LCOR: variants seen among roughly 807,000 people sequenced by gnomAD.
LCOR encodes the protein ligand dependent nuclear receptor corepressor.
LCOR carries 14 observed loss-of-function variants against 64.4 expected under a neutral mutation model. The observed-to-expected ratio is 0.22, with a 90% CI of 0.14 to 0.34. The LOEUF is 0.34. Among genes scored for constraint, LCOR ranks in the 10% least tolerant of loss-of-function variants. LCOR has a pLI of 1.00. For missense variants in LCOR, 1,686 were observed against 1,765.3 expected, an observed-to-expected ratio of 0.96 and a Z score of 0.80; for synonymous variants, 643 against 642.5, an observed-to-expected ratio of 1.00 and a Z score of -0.01.
intron 7 of LCOR, among the ~76,000 whole-genome samples, chr10:96,971,186 C>G (rs1847996100): frequency 1.3e-5 from 2 of 152,176 alleles, no homozygotes; most frequent in African/African-American, 4.8e-5. Context: ...TAGTCAAAAC[C>G]TACATACTTA....
At position 96,993,247 on chromosome 10, in the gene LCOR, A is replaced by T. The variant is rs1848216096; in HGVS notation, c.*8113A>T. On this transcript the variant is annotated 3_prime_UTR_variant, in exon 8 of 8. Transcript: ENST00000421806. ...TAGGCACGCAGGGGTTTTGTCATCC[A>T]TTTGAACCATAATTTGCATATTTTC... is the stretch of plus-strand genomic sequence containing the variant. 6.6e-6 allele frequency: 1 copy of T among 152,236 alleles called. No individual in the cohort carries two copies. The highest frequency in any genetic ancestry group is 6.5e-5 in the Admixed American group (1 of 15,278). 9.4% of individuals were successfully genotyped at this position (152,236 alleles called of 1,614,324 possible).
intron 4 of LCOR, among the ~76,000 whole-genome samples, chr10:96,924,864 A>G (rs958637352): frequency 6.6e-6 from 1 of 152,236 alleles, no homozygotes; most frequent in East Asian, 1.9e-4. Context: ...AAGTCAGGAA[A>G]GTTAACCCTG....
chr10:96,901,924 C>T (rs181489362), intron 2 of LCOR, among the ~76,000 whole-genome samples: 39 of 152,266 alleles, frequency 2.6e-4, no homozygotes, highest in African/African-American at 9.1e-4. Context: ...TGTGTGCCAC[C>T]ACCCTGGGCT....
At chr10:96,880,149 A>G (rs1407574380) in intron 2 of LCOR, among the ~76,000 whole-genome samples, 2 of 152,074 alleles carry the variant, frequency 1.3e-5, no homozygotes, top group African/African-American at 2.4e-5. Context: ...GTTTTGCTCT[A>G]TTTGGTTTAA....
chr10:96,990,558 T>C lies in LCOR; in HGVS notation c.*5424T>C, dbSNP rs903446990. Reference sequence around the variant, plus strand: ...AGACTTGAGGATCCAGTCTCTTTCCTTTATAGATAATTAGACTCAGGCAGA... The same window carrying C: ...AGACTTGAGGATCCAGTCTCTTTCCCTTATAGATAATTAGACTCAGGCAGA... On this transcript the variant is annotated 3_prime_UTR_variant, in exon 8 of 8. Transcript: ENST00000421806. 5 of 152,390 alleles carry C rather than the reference T, an allele frequency of 3.3e-5. No individual in the cohort carries two copies. The highest frequency in any genetic ancestry group is 3.9e-4 in the East Asian group (2 of 5,178). The allele number at this position is 152,390 out of a possible 1,614,324, so 9.4% of individuals were successfully genotyped here. A position where few individuals can be genotyped will look rare whatever the true frequency, so the allele number is the denominator to read the frequency against.
chr10:96,897,061 GAGAGAGAGAGAGAAAGAGAA>G (rs1365036030), intron 2 of LCOR, among the ~76,000 whole-genome samples: 29 of 107,786 alleles, frequency 2.7e-4, no homozygotes, highest in Non-Finnish European at 2.0e-4. Context: ...ATGAGAGAGA[GAGAGAGAGAGAGAAAGAGAA>G]AGAGAAAGAG....
In LCOR at chr10:96,981,651, C is replaced by G; in HGVS notation, c.1191C>G (p.His397Gln). ...DARPKQENHL[H>Q]SLGRNKVGYH... ...GGCCAAAGCAAGAGAACCATCTTCA[C>G]TCTCTGGGAAGAAATAAGGTGGGTT... Residue 397 changes from histidine to glutamine, a missense_variant, in exon 8 of 8, where the codon CAC (histidine) becomes CAG (glutamine). His to Gln is a conservative substitution (Grantham distance 24, BLOSUM62 0). Around this residue, in one of 3 missense-constraint regions of LCOR, gnomAD observed 1,293 missense variants for 1,410.4 expected, o/e 0.92. Coordinates refer to ENST00000421806, the MANE Select transcript of LCOR (RefSeq NM_001346516.2). The G allele has an allele frequency of 2.5e-6, 4 of 1,614,214 alleles. No homozygotes were observed. The highest frequency in any genetic ancestry group is 3.4e-6 in the Non-Finnish European group (4 of 1,180,052).
chr10:96,854,832 A>G (rs1454526641), intron 2 of LCOR, among the ~76,000 whole-genome samples: 1 of 152,210 alleles, frequency 6.6e-6, no homozygotes, highest in Non-Finnish European at 1.5e-5. Flanking sequence ...TTGCATTCAT[A>G]TGATTGTAAT....
chr10:96,888,390 A>AAAG (rs1392741323), intron 2 of LCOR, among the ~76,000 whole-genome samples: 2 of 147,918 alleles, frequency 1.4e-5, no homozygotes, highest in African/African-American at 5.0e-5. Flanking sequence ...AAAAAAAAAA[A>AAAG]AGAACAGTAT....
At chr10:96,847,688 T>C (rs574505556) in intron 2 of LCOR, among the ~76,000 whole-genome samples, 1 of 152,318 alleles carries the variant, frequency 6.6e-6, no homozygotes, top group African/African-American at 2.4e-5. Context: ...GTGATCTGCC[T>C]ACCTTGGCCT....
In LCOR at chr10:96,986,492, C is replaced by A. The variant is rs1330858856; in HGVS notation, c.*1358C>A. On this transcript the variant is annotated 3_prime_UTR_variant, in exon 8 of 8. Coordinates refer to ENST00000421806, the MANE Select transcript of LCOR (RefSeq NM_001346516.2). ...GACGTTCATTCTGATTGATTAACACCATCCTAGTAGTTAAATGCTTGTAGT... is the reference window on the plus strand; with the variant it reads ...GACGTTCATTCTGATTGATTAACACAATCCTAGTAGTTAAATGCTTGTAGT... 5.9e-5 allele frequency: 9 copies of A among 152,172 alleles called. No homozygotes were observed. The highest frequency in any genetic ancestry group is 2.2e-4 in the African/African-American group (9 of 41,430). The allele number at this position is 152,172 out of a possible 1,614,324, so 9.4% of individuals were successfully genotyped here. A position where few individuals can be genotyped will look rare whatever the true frequency, so the allele number is the denominator to read the frequency against.
chr10:96,950,503 A>T (rs931383074), intron 6 of LCOR, among the ~76,000 whole-genome samples: 5 of 152,116 alleles, frequency 3.3e-5, no homozygotes, highest in Non-Finnish European at 7.4e-5. Context: ...TCAGGTTTAT[A>T]TTAGGAGAAT....
chr10:96,871,116 G>T (rs1846065223), intron 2 of LCOR, among the ~76,000 whole-genome samples: 1 of 152,102 alleles, frequency 6.6e-6, no homozygotes, highest in South Asian at 2.1e-4. Context: ...GAGTGCAGTG[G>T]TATGATCATA....
At position 96,981,364 on chromosome 10, in the gene LCOR, A is replaced by G; in HGVS notation, c.904A>G (p.Asn302Asp). The change falls in exon 8 of 8, where the codon AAC (asparagine) becomes GAC (aspartate). Residue 302 changes from asparagine (N) to aspartate (D), a missense_variant. Asn to Asp is a conservative substitution (Grantham distance 23). Coordinates refer to ENST00000421806, the MANE Select transcript of LCOR (RefSeq NM_001346516.2). ...TGGACAAGAGCAAGACACAAATGTG[A>G]ACATATGTGAGGATGGTAAAGACCA... ...TTGQEQDTNV[N>D]ICEDGKDHMQ... 2 of 1,613,912 alleles carry G rather than the reference A, an allele frequency of 1.2e-6. No homozygotes were observed. The highest frequency in any genetic ancestry group is 1.7e-6 in the Non-Finnish European group (2 of 1,179,888).
intron 2 of LCOR, among the ~76,000 whole-genome samples, chr10:96,869,856 T>TAAGC (rs1419999246): frequency 2.0e-5 from 3 of 152,150 alleles, no homozygotes; most frequent in African/African-American, 4.8e-5. Flanking sequence ...ATTACAGGCA[T>TAAGC]AAGCCACTGT....
In LCOR at chr10:96,982,041, A is replaced by G. The variant is rs143877778; in HGVS notation, c.1581A>G (p.Glu527=). ...RTLARNLHSQ[E]KASCSALASE... ...TGGCCAGAAATTTACACTCCCAGGA[A>G]AAAGCAAGCTGCTCAGCATTGGCAT... The change falls in exon 8 of 8, where the codon GAA becomes GAG. Residue 527 remains glutamate, a synonymous_variant. Coordinates refer to ENST00000421806, the MANE Select transcript of LCOR (RefSeq NM_001346516.2). 6.2e-7 allele frequency: 1 copy of G among 1,614,188 alleles called. No homozygotes were observed. The highest frequency in any genetic ancestry group is 1.3e-5 in the African/African-American group (1 of 75,060).
chr10:96,834,381 A>G (rs1034226790), intron 2 of LCOR, among the ~76,000 whole-genome samples: 3 of 152,220 alleles, frequency 2.0e-5, no homozygotes, highest in African/African-American at 4.8e-5. Context: ...GCTGCCCTCC[A>G]GGAAACAAAC....
intron 4 of LCOR, among the ~76,000 whole-genome samples, chr10:96,942,882 AAATT>A (rs1460353644): frequency 2.0e-5 from 3 of 152,220 alleles, no homozygotes; most frequent in Non-Finnish European, 2.9e-5. Flanking sequence ...GATTTCAAAT[AAATT>A]ATATGCACTA....
Position 96,984,736 on chromosome 10 carries a change from G to A in LCOR, c.4276G>A (p.Asp1426Asn). 1 of 1,613,874 alleles carries A rather than the reference G, an allele frequency of 6.2e-7. No individual in the cohort carries two copies. The highest frequency in any genetic ancestry group is 8.5e-7 in the Non-Finnish European group (1 of 1,179,986). ...TVKASKEKHA[D>N]GATKTPAAKR... is the part of the protein sequence containing the mutation. ...GAAAGCCAGCAAAGAAAAGCATGCT[G>A]ATGGAGCCACCAAAACCCCTGCTGC... is the stretch of plus-strand genomic sequence containing the variant. Residue 1426 changes from aspartate (D) to asparagine (N), a missense_variant, in exon 8 of 8, where the codon GAT (aspartate) becomes AAT (asparagine). By Grantham distance (23) the Asp-to-Asn change is conservative. This residue lies in a region of LCOR where 1,293 missense variants were observed against 1,410.4 expected (regional missense o/e 0.92). Coordinates refer to ENST00000421806, the MANE Select transcript of LCOR (RefSeq NM_001346516.2).
Sources: gnomAD v4.1 joint callset for allele counts (sites outside exome capture counted in the v4.1 genomes callset) on GRCh38, gnomAD v4.1.1 for gene constraint, gnomAD v4.1.1 regional missense constraint, MANE v1.5 for transcripts, NCBI Gene and HGNC (gene_info 2026-07-23, HGNC 2026-07-21) for gene names.